The following MGMT variants were observed in gnomAD, a reference collection of about 807,000 sequenced individuals.
MGMT encodes the protein O-6-methylguanine-DNA methyltransferase.
Under a neutral mutation model 15.9 loss-of-function variants are expected in MGMT, and 14 were observed. That is an observed-to-expected ratio of 0.88 (90% CI 0.58 to 1.37). The LOEUF is 1.37. MGMT is among the 40% of genes most tolerant of loss of function. The pLI is 0.00. For synonymous variants in MGMT, 130 were observed against 118.2 expected (o/e 1.10, Z -0.65); for missense variants, 282 against 268.1 (o/e 1.05, Z -0.36).
chr10:129,550,949 G>A (rs1200846040), intron 2 of MGMT, among the ~76,000 whole-genome samples: 1 of 152,164 alleles, frequency 6.6e-6, no homozygotes, highest in Non-Finnish European at 1.5e-5. Flanking sequence ...CGTTGGTAGT[G>A]CTGTTTCGGC....
intron 3 of MGMT, among the ~76,000 whole-genome samples, chr10:129,755,516 G>C (rs919477654): frequency 2.0e-5 from 3 of 152,236 alleles, no homozygotes; most frequent in African/African-American, 7.2e-5. Context: ...CCTGGCTAAG[G>C]AAAAGTCCCA....
chr10:129,689,141 G>A (rs1237962134), intron 2 of MGMT, among the ~76,000 whole-genome samples: 2 of 152,052 alleles, frequency 1.3e-5, no homozygotes, highest in Non-Finnish European at 2.9e-5. Context: ...CTTTGCCCAG[G>A]TTTGTCTCAA....
chr10:129,619,819 A>G (rs745381988), intron 2 of MGMT, among the ~76,000 whole-genome samples: 1 of 152,030 alleles, frequency 6.6e-6, no homozygotes, highest in Non-Finnish European at 1.5e-5. Flanking sequence ...ATGCTATTCC[A>G]CTGCCCTTTT....
At chr10:129,655,610 A>G (rs937629177) in intron 2 of MGMT, among the ~76,000 whole-genome samples, 4 of 152,200 alleles carry the variant, frequency 2.6e-5, no homozygotes, top group Non-Finnish European at 5.9e-5. Flanking sequence ...GGACTGGCAT[A>G]AACAAACAGG....
chr10:129,696,890 G>C (rs1022065445), intron 2 of MGMT, among the ~76,000 whole-genome samples: 5 of 152,222 alleles, frequency 3.3e-5, no homozygotes, highest in African/African-American at 9.6e-5. Context: ...GTTGTGGCCT[G>C]AATCACTCCA....
intron 2 of MGMT, among the ~76,000 whole-genome samples, chr10:129,572,907 T>C (rs906092777): frequency 3.3e-5 from 5 of 152,208 alleles, no homozygotes; most frequent in Non-Finnish European, 7.3e-5. Context: ...CGAGGTTTTG[T>C]TTGGTTTGCT....
chr10:129,657,729 C>CACACACACACACACACACA lies in MGMT; in HGVS notation c.126-50166_126-50165insACACACACACACACACACA, dbSNP rs1564750921. Among the ~76,000 whole-genome samples, 133 of 122,352 alleles carry CACACACACACACACACACA rather than the reference C, an allele frequency of 1.1e-3. 1 individual carries two copies. The highest frequency in any genetic ancestry group is 5.2e-3 in the East Asian group (23 of 4,386). The allele number at this position is 122,352 out of a possible 152,430, so 80.3% of individuals were successfully genotyped here. Reference sequence around the variant, plus strand: ...CACGCACACACACACACACACACACCCCCTCTCCCCCAAGGACCCACAAGG... The same window carrying CACACACACACACACACACA: ...CACGCACACACACACACACACACACCACACACACACACACACACACCCTCTCCCCCAAGGACCCACAAGG... On this transcript the variant is annotated intron_variant, in intron 2 of 4. Coordinates refer to ENST00000651593, the MANE Select transcript of MGMT (RefSeq NM_002412.5).
intron 1 of MGMT, among the ~76,000 whole-genome samples, chr10:129,523,833 TTG>T (rs1477294310): frequency 1.3e-5 from 2 of 152,092 alleles, no homozygotes; most frequent in African/African-American, 4.8e-5. Context: ...ACTCACGAGA[TTG>T]TGTGAGTCCA....
chr10:129,620,993 AT>A (rs1847084674), intron 2 of MGMT, among the ~76,000 whole-genome samples: 1 of 152,160 alleles, frequency 6.6e-6, no homozygotes, highest in African/African-American at 2.4e-5. Flanking sequence ...TTTGTTAGAA[AT>A]TCCAGAAATG....
intron 2 of MGMT, among the ~76,000 whole-genome samples, chr10:129,578,492 A>T (rs1187542374): frequency 2.1e-5 from 3 of 146,034 alleles, no homozygotes; most frequent in Non-Finnish European, 1.5e-5. Context: ...ATGAGAACAC[A>T]TGGACACAGG....
chr10:129,543,352 G>T (rs1176470434), intron 2 of MGMT, among the ~76,000 whole-genome samples: 1 of 152,230 alleles, frequency 6.6e-6, no homozygotes, highest in Non-Finnish European at 1.5e-5. Context: ...GTGCTCCTCT[G>T]ATTGGCAGCT....
chr10:129,547,483 C>T (rs1035407921), intron 2 of MGMT, among the ~76,000 whole-genome samples: 1 of 152,128 alleles, frequency 6.6e-6, no homozygotes, highest in Non-Finnish European at 1.5e-5. Context: ...TGGAGTGGTT[C>T]TGGAGAACAT....
rs1037256776 is a variant in MGMT, at chr10:129,735,152, G to A, written c.275-24050G>A. On this transcript the variant is annotated intron_variant, in intron 3 of 4. Transcript: ENST00000651593. Reference sequence around the variant, plus strand: ...GAAGCAATGGTACCAGTTCCTCCTTGTACCTCTGGTAGAATTCGGCTGTGA... The same window carrying A: ...GAAGCAATGGTACCAGTTCCTCCTTATACCTCTGGTAGAATTCGGCTGTGA... Among the ~76,000 whole-genome samples, 98 of 152,276 alleles carry A rather than the reference G, an allele frequency of 6.4e-4. 1 individual carries two copies. Among genetic ancestry groups the A allele is most frequent in the Admixed American group, 2.2e-3 (33 of 15,294 alleles).
At chr10:129,690,670 G>C (rs1171860821) in intron 2 of MGMT, among the ~76,000 whole-genome samples, 2 of 152,214 alleles carry the variant, frequency 1.3e-5, no homozygotes, top group Non-Finnish European at 1.5e-5. Context: ...TCTGAGGCCA[G>C]GATGGGGAGA....
intron 2 of MGMT, among the ~76,000 whole-genome samples, chr10:129,592,549 G>C (rs1405798575): frequency 1.3e-5 from 2 of 152,224 alleles, no homozygotes; most frequent in Non-Finnish European, 2.9e-5. Flanking sequence ...CGTGCAGACA[G>C]TTGATTCGGA....
chr10:129,578,953 C>T (rs982599724), intron 2 of MGMT, among the ~76,000 whole-genome samples: 4 of 141,894 alleles, frequency 2.8e-5, no homozygotes, highest in Admixed American at 7.1e-5. Context: ...GGACATCAGT[C>T]ATTTGTGCAT....
intron 3 of MGMT, among the ~76,000 whole-genome samples, chr10:129,716,460 TC>T (rs764473589): frequency 3.9e-5 from 6 of 152,206 alleles, no homozygotes; most frequent in Non-Finnish European, 8.8e-5. Context: ...CACATTCCTT[TC>T]TGGATTGGGC....
rs181182392 is a variant in MGMT at position 129,746,826 on chromosome 10, T to A, written c.275-12376T>A. On this transcript the variant is annotated intron_variant, in intron 3 of 4. Transcript: ENST00000651593. ...AATATGTTGGCTAGTCTCAATCCTT[T>A]GCCCTTTCATCTAAATTTTAGAGTC... Among the ~76,000 whole-genome samples the A allele has an allele frequency of 5.5e-3, 835 of 152,306 alleles. 4 individuals are homozygous for A. The highest frequency in any genetic ancestry group is 9.2e-3 in the Non-Finnish European group (627 of 68,018).
intron 1 of MGMT, among the ~76,000 whole-genome samples, chr10:129,522,233 G>A (rs1490099736): frequency 1.3e-5 from 2 of 152,196 alleles, no homozygotes; most frequent in African/African-American, 4.8e-5. Flanking sequence ...TTTGTAGAAT[G>A]CACCAAGGAA....
Sources: gnomAD v4.1 joint callset for allele counts (sites outside exome capture counted in the v4.1 genomes callset) on GRCh38, gnomAD v4.1.1 for gene constraint, MANE v1.5 for transcripts, NCBI Gene and HGNC (gene_info 2026-07-23, HGNC 2026-07-21) for gene names.